Variants in GLIS3 observed in about 807,000 individuals in gnomAD.
GLIS3 encodes GLIS family zinc finger 3.
A neutral mutation model predicts 78.6 loss-of-function variants in GLIS3; 53 were observed. That is an observed-to-expected ratio of 0.67 (90% CI 0.54 to 0.85). GLIS3 has a LOEUF of 0.85. GLIS3 is among the 40% of genes least tolerant of loss of function. The pLI is 0.00. For synonymous variants in GLIS3, 684 were observed against 509.9 expected (o/e 1.34, Z -4.60); for missense variants, 1,703 against 1,231.1 (o/e 1.38, Z -5.74).
the GLIS3 span, among the ~76,000 whole-genome samples, chr9:4,353,703 C>G: frequency 6.6e-6 from 1 of 152,192 alleles, no homozygotes; most frequent in Non-Finnish European, 1.5e-5. Context: ...CTCCCCTAAA[C>G]CACACAGCAG....
intron 4 of GLIS3, among the ~76,000 whole-genome samples, chr9:4,015,292 T>G (rs1822345558): frequency 6.6e-6 from 1 of 152,162 alleles, no homozygotes; most frequent in South Asian, 2.1e-4. Flanking sequence ...GAGTCTAACC[T>G]TCTCCTCAAT....
the GLIS3 span, among the ~76,000 whole-genome samples, chr9:4,406,983 C>G: frequency 1.3e-5 from 2 of 152,108 alleles, no homozygotes; most frequent in African/African-American, 2.4e-5. Context: ...CCAGAATAGC[C>G]AAAGCTATCC....
intron 2 of GLIS3, among the ~76,000 whole-genome samples, chr9:4,167,030 C>T (rs537360256): frequency 1.2e-4 from 19 of 152,294 alleles, no homozygotes; most frequent in Middle Eastern, 3.4e-3. Flanking sequence ...GAAAGACAGA[C>T]GAACAAAACA....
intron 4 of GLIS3, among the ~76,000 whole-genome samples, chr9:4,026,460 G>A (rs907997818): frequency 6.6e-6 from 1 of 152,120 alleles, no homozygotes; most frequent in Non-Finnish European, 1.5e-5. Context: ...AAAAATCTAT[G>A]TACTTTAAAC....
At chr9:4,205,958 G>A (rs1819841970) in intron 2 of GLIS3, among the ~76,000 whole-genome samples, 2 of 151,982 alleles carry the variant, frequency 1.3e-5, no homozygotes, top group African/African-American at 4.8e-5. Flanking sequence ...TTTTTAGTTT[G>A]TTTTTGTTCA....
chr9:3,947,586 C>T (rs1278324338), intron 4 of GLIS3, among the ~76,000 whole-genome samples: 1 of 152,150 alleles, frequency 6.6e-6, no homozygotes, highest in South Asian at 2.1e-4. Flanking sequence ...TAGAAGCAAG[C>T]ATGAATTTGC....
At chr9:4,354,606 G>A in the GLIS3 span, among the ~76,000 whole-genome samples, 59 of 152,124 alleles carry the variant, frequency 3.9e-4, no homozygotes, top group African/African-American at 1.3e-3. Context: ...TAGCACAGCC[G>A]CACTCACATG....
chr9:4,233,770 T>A (rs556658024), intron 2 of GLIS3, among the ~76,000 whole-genome samples: 2 of 152,312 alleles, frequency 1.3e-5, no homozygotes, highest in South Asian at 4.1e-4. Flanking sequence ...GCTATGAAAG[T>A]CCTAGATGGC....
At chr9:4,022,298 C>A (rs1420189954) in intron 4 of GLIS3, among the ~76,000 whole-genome samples, 1 of 152,138 alleles carries the variant, frequency 6.6e-6, no homozygotes. Context: ...TGGTTTGATA[C>A]CTTGATGATT....
At chr9:4,126,657 G>A (rs911830962) in intron 2 of GLIS3, among the ~76,000 whole-genome samples, 5 of 152,162 alleles carry the variant, frequency 3.3e-5, no homozygotes, top group Admixed American at 6.5e-5. Flanking sequence ...AATCTGTGTC[G>A]TTATGGAAAA....
At chr9:4,174,255 A>C (rs1437323217) in intron 2 of GLIS3, among the ~76,000 whole-genome samples, 1 of 152,240 alleles carries the variant, frequency 6.6e-6, no homozygotes, top group Non-Finnish European at 1.5e-5. Context: ...TTATCAGCAA[A>C]GTAAACAGGT....
intron 2 of GLIS3, among the ~76,000 whole-genome samples, chr9:4,222,633 G>C (rs1489171341): frequency 6.6e-6 from 1 of 152,156 alleles, no homozygotes; most frequent in East Asian, 1.9e-4. Flanking sequence ...CACTAATTTT[G>C]CAGGCAAGTG....
chr9:4,215,751 T>G (rs77140745), intron 2 of GLIS3, among the ~76,000 whole-genome samples: 2 of 152,342 alleles, frequency 1.3e-5, no homozygotes, highest in African/African-American at 4.8e-5. Flanking sequence ...AGTTTCCTCA[T>G]AACATTGTGG....
chr9:4,441,644 T>G, the GLIS3 span, among the ~76,000 whole-genome samples: 1 of 152,194 alleles, frequency 6.6e-6, no homozygotes, highest in Non-Finnish European at 1.5e-5. Flanking sequence ...TCTGGCTCTA[T>G]CACCCAGGCT....
intron 4 of GLIS3, among the ~76,000 whole-genome samples, chr9:4,092,385 C>T (rs1338268629): frequency 1.3e-5 from 2 of 152,066 alleles, no homozygotes; most frequent in Non-Finnish European, 2.9e-5. Flanking sequence ...ATCTCCTGAG[C>T]TCGTGATCCG....
chr9:4,414,088 G>T, the GLIS3 span, among the ~76,000 whole-genome samples: 1 of 152,054 alleles, frequency 6.6e-6, no homozygotes, highest in Non-Finnish European at 1.5e-5. Context: ...GAATCAACTG[G>T]AATGTGAAGC....
chr9:4,217,749 ACTC>A (rs779449310), intron 2 of GLIS3, among the ~76,000 whole-genome samples: 6 of 152,290 alleles, frequency 3.9e-5, no homozygotes, highest in South Asian at 2.1e-4. Flanking sequence ...AGCAAAAATA[ACTC>A]CTCATTTTCA....
rs147949082 is a variant in GLIS3 at position 4,056,833 on chromosome 9, A to C, written c.1710+60935T>G. Among the ~76,000 whole-genome samples the C allele has an allele frequency of 2.3e-3, 352 of 151,652 alleles. 3 individuals are homozygous for C. Among genetic ancestry groups the C allele is most frequent in the Admixed American group, 4.8e-3 (73 of 15,198 alleles). The stretch of plus-strand genomic sequence containing the variant: ...GATAGGGAAAAGAGTTGGCAAAAGC[A>C]GCCGACTAATTGCCCAAATAAGATC... On this transcript the variant is annotated intron_variant, in intron 4 of 10. Transcript: ENST00000381971.
intron 5 of GLIS3, among the ~76,000 whole-genome samples, chr9:3,933,262 G>A (rs574999008): frequency 6.6e-6 from 1 of 152,032 alleles, no homozygotes; most frequent in Admixed American, 6.5e-5. Context: ...TGCAACCTCT[G>A]CCTCCTGGGT....
Sources: gnomAD v4.1 joint callset for allele counts (sites outside exome capture counted in the v4.1 genomes callset) on GRCh38, gnomAD v4.1.1 for gene constraint, MANE v1.5 for transcripts, NCBI Gene and HGNC (gene_info 2026-07-23, HGNC 2026-07-21) for gene names.